CYP2S1: variants seen among roughly 807,000 people sequenced by gnomAD.
CYP2S1 encodes the protein cytochrome P450 family 2 subfamily S member 1, also known as cytochrome P450 2S1.
In CYP2S1, 32 loss-of-function variants were observed where a neutral mutation model predicts 43.5. That is an observed-to-expected ratio of 0.74 (90% confidence interval 0.56 to 0.99). The LOEUF is 0.99. Among genes scored for constraint, CYP2S1 ranks in the 50% least tolerant of loss-of-function variants. CYP2S1 has a pLI of 0.00. For missense variants in CYP2S1, 575 were observed against 673.9 expected, an observed-to-expected ratio of 0.85 and a Z score of 1.62; for synonymous variants, 283 against 302.9, an observed-to-expected ratio of 0.93 and a Z score of 0.68.
At position 41,203,546 on chromosome 19, in the gene CYP2S1, A is replaced by G. The variant is rs775173257; in HGVS notation, c.1073A>G (p.His358Arg). Residue 358 changes from histidine (H) to arginine (R), a missense_variant, in exon 7 of 9, where the codon CAT (histidine) becomes CGT (arginine). This residue lies in a region of CYP2S1 where 222 missense variants were observed against 306.3 expected (regional missense o/e 0.72). Coordinates refer to ENST00000310054, the MANE Select transcript of CYP2S1 (RefSeq NM_030622.8). The stretch of plus-strand genomic sequence containing the variant: ...CTCCCTTACACCGACGCGGTTCTGC[A>G]TGAGGCGCAGCGGCTGCTGGCGCTG... ...TRLPYTDAVL[H>R]EAQRLLALVP... The G allele has an allele frequency of 1.3e-6, 2 of 1,592,410 alleles. No homozygotes were observed. Among genetic ancestry groups the G allele is most frequent in the East Asian group, 2.3e-5 (1 of 43,660 alleles).
At chr19:41,197,699 CA>C (rs8192794) in intron 2 of CYP2S1, 79 bp from the exon 3 acceptor site, 11,769 of 1,264,526 alleles carry the variant, frequency 9.3e-3, no homozygotes, top group East Asian at 0.023. Flanking sequence ...GATTCCGTCT[CA>C]AAAAAAAAAA....
chr19:41,200,472 A>G (rs1315659051), intron 5 of CYP2S1, among the ~76,000 whole-genome samples: 2 of 151,830 alleles, frequency 1.3e-5, no homozygotes, highest in African/African-American at 2.4e-5. Flanking sequence ...TCCCGGGTTC[A>G]TGCCATTCTC....
Position 41,198,756 on chromosome 19 carries a change from C to G in CYP2S1, c.702C>G (p.His234Gln). ...TCCTGCGGCCCCTGCCAGGCCCCCA[C>G]AAGCAGCTCCTCCACCACGTCAGCA... ...SWFLRPLPGP[H>Q]KQLLHHVSTL... The change falls in exon 5 of 9, where the codon CAC becomes CAG. Residue 234 changes from histidine to glutamine, a missense_variant. His to Gln is a conservative substitution (Grantham distance 24, BLOSUM62 0). Coordinates refer to ENST00000310054, the MANE Select transcript of CYP2S1 (RefSeq NM_030622.8). This position sits in a 1 kb window ranked among gnomAD's most constrained non-coding sequence, Gnocchi z 4.9. The G allele has an allele frequency of 6.2e-7, 1 of 1,614,210 alleles. No individual in the cohort carries two copies.
Position 41,193,356 on chromosome 19 carries a change from AC to A in CYP2S1, c.94del (p.Leu32CysfsTer29), listed in dbSNP as rs761191600. The A allele has an allele frequency of 6.5e-7, 1 of 1,532,820 alleles. No homozygotes were observed. Among genetic ancestry groups the A allele is most frequent in the Admixed American group, 2.0e-5 (1 of 49,394 alleles). The allele number at this position is 1,532,820 out of a possible 1,614,324, so 95.0% of individuals were successfully genotyped here. A position where few individuals can be genotyped will look rare whatever the true frequency, so the allele number is the denominator to read the frequency against. On this transcript the variant is annotated frameshift_variant, in exon 1 of 9. Transcript: ENST00000310054. LOFTEE classifies it high-confidence loss of function. ...CTGTCCGGGACCAGGGCCCGAGGCC[AC>A]CTGCCCCCCGGGCCCACGCCGCTAC... ...LALSGTRARGHLPPGPTPLPL... is the reference protein window; with the variant it reads ...LALSGTRARGXLPPGPTPLPL...
Position 41,206,011 on chromosome 19 carries a change from C to A in CYP2S1, c.1218C>A (p.Phe406Leu). 1 of 1,614,116 alleles carries A rather than the reference C, an allele frequency of 6.2e-7. No homozygotes were observed. Among genetic ancestry groups the A allele is most frequent in the Non-Finnish European group, 8.5e-7 (1 of 1,180,014 alleles). Residue 406 changes from phenylalanine (F) to leucine (L), a missense_variant, in exon 8 of 9, where the codon TTC becomes TTA. Transcript: ENST00000310054. The part of the protein sequence containing the change: ...LGSILHDPNI[F>L]KHPEEFNPDR... ...CCATCCTGCATGACCCCAACATCTT[C>A]AAGCACCCAGAAGAGTTCAACCCAG... is the stretch of plus-strand genomic sequence containing the variant.
chr19:41,194,081 A>G (rs1008354918), intron 1 of CYP2S1, among the ~76,000 whole-genome samples: 2 of 152,030 alleles, frequency 1.3e-5, no homozygotes, highest in African/African-American at 4.8e-5. Flanking sequence ...GAAGTTTCCC[A>G]TTCAAAAGGA....
At chr19:41,201,480 C>T in intron 6 of CYP2S1, 108 bp downstream of exon 6, 1 of 1,455,606 alleles carries the variant, frequency 6.9e-7, no homozygotes, top group Non-Finnish European at 9.2e-7. Flanking sequence ...CTGAGGCGGG[C>T]TGATCACTTG....
Position 41,198,362 on chromosome 19 carries a change from T to G in CYP2S1, c.494-100T>G. 2 of 1,494,254 alleles carry G rather than the reference T, an allele frequency of 1.3e-6. No individual in the cohort carries two copies. The highest frequency in any genetic ancestry group is 1.8e-6 in the Non-Finnish European group (2 of 1,099,262). The allele number at this position is 1,494,254 out of a possible 1,614,324, so 92.6% of individuals were successfully genotyped here. A position where few individuals can be genotyped will look rare whatever the true frequency, so the allele number is the denominator to read the frequency against. ...CTCTCCCTGCGCTGTCCATCCATCTTTCCCTGCCTCCCTGTCTCTCTCTGG... is the reference window on the plus strand; with the variant it reads ...CTCTCCCTGCGCTGTCCATCCATCTGTCCCTGCCTCCCTGTCTCTCTCTGG... On this transcript the variant is annotated intron_variant, in intron 3 of 8. Transcript: ENST00000310054. This position sits in a 1 kb window ranked among gnomAD's most constrained non-coding sequence, Gnocchi z 4.9.
chr19:41,193,498 C>A (rs2033369169), intron 1 of CYP2S1, 57 bp downstream of exon 1: 1 of 1,388,256 alleles, frequency 7.2e-7, no homozygotes, highest in Admixed American at 3.3e-5. Context: ...GGAGAGAAAC[C>A]CGAGTGCCAG....
chr19:41,198,827 A>G lies in CYP2S1; in HGVS notation c.773A>G (p.Asn258Ser). ...CGGCAGGTGCAGCAGCACCAGGGGAACCTGGATGCTTCGGGCCCCGCACGT... is the reference window on the plus strand; with the variant it reads ...CGGCAGGTGCAGCAGCACCAGGGGAGCCTGGATGCTTCGGGCCCCGCACGT... Reference protein sequence around the residue: ...TVRQVQQHQGNLDASGPARDL... With the variant: ...TVRQVQQHQGSLDASGPARDL... The change falls in exon 5 of 9, where the codon AAC becomes AGC. Residue 258 changes from asparagine (N) to serine (S), a missense_variant. Coordinates refer to ENST00000310054, the MANE Select transcript of CYP2S1 (RefSeq NM_030622.8). The surrounding 1 kb of genome is among the most constrained non-coding windows in gnomAD (Gnocchi z 4.9). The G allele has an allele frequency of 6.2e-7, 1 of 1,613,906 alleles. No homozygotes were observed. The highest frequency in any genetic ancestry group is 8.5e-7 in the Non-Finnish European group (1 of 1,179,946).
In CYP2S1 at chr19:41,206,467, C is replaced by T; in HGVS notation, c.1494C>T (p.His498=). The change falls in exon 9 of 9, where the codon CAC becomes CAT. Residue 498 remains histidine (H), a synonymous_variant. Transcript: ENST00000310054. ...TGCAAGTCCGTCCCACTGACCTTCACTCCACCACGCAGACCAGATGAAGGA... is the reference window on the plus strand; with the variant it reads ...TGCAAGTCCGTCCCACTGACCTTCATTCCACCACGCAGACCAGATGAAGGA... ...FQLQVRPTDL[H]STTQTR 1.9e-6 allele frequency: 3 copies of T among 1,614,182 alleles called. No homozygotes were observed. The highest frequency in any genetic ancestry group is 2.5e-6 in the Non-Finnish European group (3 of 1,180,042).
At position 41,206,018 on chromosome 19, in the gene CYP2S1, C is replaced by T. The variant is rs1377882859; in HGVS notation, c.1225C>T (p.Pro409Ser). 4 of 1,614,076 alleles carry T rather than the reference C, an allele frequency of 2.5e-6. No homozygotes were observed. Among genetic ancestry groups the T allele is most frequent in the Admixed American group, 1.7e-5 (1 of 59,988 alleles). The change falls in exon 8 of 9, where the codon CCA becomes TCA. Residue 409 changes from proline to serine, a missense_variant. Physicochemically the swap from Pro to Ser is moderately conservative, Grantham distance 74. Transcript: ENST00000310054. ...ILHDPNIFKH[P>S]EEFNPDRFLD... The stretch of plus-strand genomic sequence containing the variant: ...GCATGACCCCAACATCTTCAAGCAC[C>T]CAGAAGAGTTCAACCCAGACCGTTT...
chr19:41,202,804 AAGAG>A lies in CYP2S1; in HGVS notation c.977-636_977-633del, dbSNP rs1004661407. Among the ~76,000 whole-genome samples the A allele has an allele frequency of 2.6e-5, 4 of 151,612 alleles. No individual in the cohort carries two copies. The East Asian group carries it at 5.8e-4, about 22-fold the overall frequency. On this transcript the variant is annotated intron_variant, in intron 6 of 8. Transcript: ENST00000310054. ...GAGTAAGACCCTGTCTCAAAAAAAA[AAGAG>A]AGAGAGAGAAGGCCAGGTACGGTGG...
Position 41,196,675 on chromosome 19 carries a change from AC to A in CYP2S1, c.344-1101del, listed in dbSNP as rs530542938. On this transcript the variant is annotated intron_variant, in intron 2 of 8. Transcript: ENST00000310054. ...ACACAGTAGGGCAAGGACAGGAGACACCCAAGGGGAAGTGCCCAAGAGACCA... is the reference window on the plus strand; with the variant it reads ...ACACAGTAGGGCAAGGACAGGAGACACCAAGGGGAAGTGCCCAAGAGACCA... Among the ~76,000 whole-genome samples the A allele has an allele frequency of 3.0e-3, 454 of 152,212 alleles. 2 individuals are homozygous for A. Among genetic ancestry groups the A allele is most frequent in the Non-Finnish European group, 4.8e-3 (326 of 68,002 alleles).
rs338590 is a variant in CYP2S1 at position 41,204,500 on chromosome 19, A to C, written c.1164+863A>C. Among the ~76,000 whole-genome samples the C allele has an allele frequency of 8.4e-3, 1,286 of 152,204 alleles. 23 individuals carry two copies. Among genetic ancestry groups the C allele is most frequent in the African/African-American group, 0.026 (1,094 of 41,524 alleles). ...CCCAGAAACCCCAGCAGTTTATGCA[A>C]GCAGCTCCCTCCTCCACCTTCACTG... On this transcript the variant is annotated intron_variant, in intron 7 of 8. Coordinates refer to ENST00000310054, the MANE Select transcript of CYP2S1 (RefSeq NM_030622.8).
In CYP2S1 at chr19:41,194,564, G is replaced by A. The variant is rs60694775; in HGVS notation, c.198G>A (p.Pro66=). ...GLMRLSKKYG[P]VFTIYLGPWR... ...CCCAGCTGAGTAAGAAGTACGGACC[G>A]GTGTTCACCATCTACCTGGGACCCT... Residue 66 remains proline, a synonymous_variant, in exon 2 of 9, where the codon CCG becomes CCA. Coordinates refer to ENST00000310054, the MANE Select transcript of CYP2S1 (RefSeq NM_030622.8). 2,653 of 1,600,792 alleles carry A rather than the reference G, an allele frequency of 1.7e-3. 2 individuals are homozygous for A. Among genetic ancestry groups the A allele is most frequent in the Non-Finnish European group, 2.1e-3 (2,513 of 1,175,340 alleles).
intron 2 of CYP2S1, among the ~76,000 whole-genome samples, chr19:41,196,509 G>C (rs1041573315): frequency 5.3e-5 from 8 of 152,118 alleles, no homozygotes; most frequent in African/African-American, 1.7e-4. Context: ...TGATGGGGAG[G>C]CTGGGAGGTC....
intron 6 of CYP2S1, among the ~76,000 whole-genome samples, chr19:41,202,023 G>C (rs2033496517): frequency 6.6e-6 from 1 of 152,042 alleles, no homozygotes. Context: ...CTCTCACTCT[G>C]TTGCCCAGGC....
chr19:41,196,283 G>A (rs561276792), intron 2 of CYP2S1, among the ~76,000 whole-genome samples: 5 of 152,264 alleles, frequency 3.3e-5, no homozygotes, highest in East Asian at 3.9e-4. Flanking sequence ...CAGCGCAGTC[G>A]TAGTGGGTTA....
Sources: gnomAD v4.1 joint callset for allele counts (sites outside exome capture counted in the v4.1 genomes callset) on GRCh38, gnomAD v4.1.1 for gene constraint, gnomAD v4.1.1 regional missense constraint, Gnocchi (gnomAD v3.1) non-coding constraint, MANE v1.5 for transcripts, NCBI Gene and HGNC (gene_info 2026-07-23, HGNC 2026-07-21) for gene names.